Variants in GNG7 observed in about 807,000 individuals in gnomAD.
The protein encoded by GNG7 is guanine nucleotide-binding protein G(I)/G(S)/G(O) subunit gamma-7.
GNG7 carries 1 observed loss-of-function variant against 4.0 expected under a neutral mutation model. The ratio of observed to expected loss-of-function variants is 0.25; its 90% CI spans 0.09 to 1.18. The LOEUF is 1.18. GNG7 is among the 50% of genes most tolerant of loss of function. The probability of loss-of-function intolerance (pLI) is 0.50; values close to 1 mark genes in which losing one functional copy is unlikely to be tolerated. For synonymous variants in GNG7, 34 were observed against 36.9 expected (o/e 0.92, Z 0.29); for missense variants, 86 against 91.9 (o/e 0.94, Z 0.26).
chr19:2,568,787 CACATAT>C (rs1273167229), intron 2 of GNG7, among the ~76,000 whole-genome samples: 1 of 143,028 alleles, frequency 7.0e-6, no homozygotes, highest in African/African-American at 2.7e-5. Flanking sequence ...TACACATACA[CACATAT>C]ACACGCACAT....
At chr19:2,624,543 A>AAAG (rs1568266303) in intron 2 of GNG7, among the ~76,000 whole-genome samples, 2 of 151,472 alleles carry the variant, frequency 1.3e-5, no homozygotes, top group African/African-American at 4.9e-5. Context: ...AAAAAAAAAA[A>AAAG]AAAGAAAAAG....
intron 2 of GNG7, among the ~76,000 whole-genome samples, chr19:2,616,605 C>T (rs142643593): frequency 0.012 from 1,828 of 152,062 alleles, 37 homozygotes; most frequent in African/African-American, 0.039. Flanking sequence ...GGAGAAACCC[C>T]GTCTCTCCTA....
intron 2 of GNG7, among the ~76,000 whole-genome samples, chr19:2,563,252 A>G (rs1979802278): frequency 6.6e-6 from 1 of 151,324 alleles, no homozygotes; most frequent in South Asian, 2.1e-4. Flanking sequence ...CCGGCCCAGT[A>G]TTTTTCAAAT....
chr19:2,616,267 C>T (rs1425949708), intron 2 of GNG7, among the ~76,000 whole-genome samples: 3 of 151,872 alleles, frequency 2.0e-5, no homozygotes, highest in South Asian at 2.1e-4. Context: ...TATTTTGAGC[C>T]GGAGTCTCGC....
chr19:2,696,652 G>A (rs372783539), intron 1 of GNG7, among the ~76,000 whole-genome samples: 2 of 152,184 alleles, frequency 1.3e-5, no homozygotes, highest in African/African-American at 2.4e-5. Context: ...AGGCTCTGAC[G>A]CAGGCCACAG....
chr19:2,690,819 T>G (rs1215258270), intron 1 of GNG7, among the ~76,000 whole-genome samples: 1 of 152,084 alleles, frequency 6.6e-6, no homozygotes, highest in East Asian at 1.9e-4. Context: ...GTCTCGAACT[T>G]CTGACCTCAA....
chr19:2,527,579 G>A lies in GNG7; in HGVS notation c.-37-6854C>T, dbSNP rs148452202. 9.2e-3 allele frequency among the ~76,000 whole-genome samples: 1,400 copies of A among 152,274 alleles called. 5 individuals carry two copies. Among genetic ancestry groups the A allele is most frequent in the Non-Finnish European group, 0.015 (998 of 68,012 alleles). ...TGTCAGTAAAGAGAGACACAGCCTA[G>A]GGCCCCAGTCTGCAAAATGGGCTGA... is the stretch of plus-strand genomic sequence containing the variant. On this transcript the variant is annotated intron_variant, in intron 3 of 4. Coordinates refer to ENST00000382159, the MANE Select transcript of GNG7 (RefSeq NM_052847.3).
chr19:2,676,191 C>T (rs2144894012), intron 1 of GNG7, among the ~76,000 whole-genome samples: 1 of 152,356 alleles, frequency 6.6e-6, no homozygotes. Flanking sequence ...ACGGCCCTGC[C>T]CACACCTTCG....
At chr19:2,517,892 G>T (rs1978291300) in intron 4 of GNG7, among the ~76,000 whole-genome samples, 1 of 152,198 alleles carries the variant, frequency 6.6e-6, no homozygotes, top group African/African-American at 2.4e-5. Context: ...ACGGCCAGGA[G>T]CCTGTGGGAC....
At chr19:2,591,221 A>G (rs1980841998) in intron 2 of GNG7, among the ~76,000 whole-genome samples, 1 of 152,232 alleles carries the variant, frequency 6.6e-6, no homozygotes, top group Admixed American at 6.6e-5. Flanking sequence ...GGCTGTGTCA[A>G]CCGATGATGT....
At chr19:2,613,512 C>T (rs1431196080) in intron 2 of GNG7, among the ~76,000 whole-genome samples, 2 of 152,090 alleles carry the variant, frequency 1.3e-5, no homozygotes, top group Admixed American at 6.5e-5. Context: ...GGGACTCTTC[C>T]TCCTCTCTCC....
At chr19:2,585,613 T>C (rs565511946) in intron 2 of GNG7, among the ~76,000 whole-genome samples, 74 of 152,224 alleles carry the variant, frequency 4.9e-4, no homozygotes, top group Non-Finnish European at 9.4e-4. Context: ...CATCTCCAGA[T>C]TGGGATTACC....
chr19:2,576,080 GAC>G (rs1010933120), intron 2 of GNG7, among the ~76,000 whole-genome samples: 6 of 74,722 alleles, frequency 8.0e-5, no homozygotes, highest in African/African-American at 6.7e-4. Flanking sequence ...CAGACATGCA[GAC>G]ACACACACAG....
chr19:2,565,647 G>A (rs536663671), intron 2 of GNG7, among the ~76,000 whole-genome samples: 4 of 152,148 alleles, frequency 2.6e-5, no homozygotes, highest in Non-Finnish European at 5.9e-5. Context: ...CCTAAAACCT[G>A]CAATCACTGG....
chr19:2,521,191 G>A (rs985954509), intron 3 of GNG7, among the ~76,000 whole-genome samples: 3 of 151,994 alleles, frequency 2.0e-5, no homozygotes, highest in African/African-American at 2.4e-5. Flanking sequence ...ACGTGAACCC[G>A]GGAGGTGGAG....
intron 2 of GNG7, among the ~76,000 whole-genome samples, chr19:2,570,646 C>T (rs1178599034): frequency 6.6e-6 from 1 of 152,162 alleles, no homozygotes; most frequent in East Asian, 1.9e-4. Context: ...AGACAGACAG[C>T]CCAGGAGCCA....
intron 2 of GNG7, among the ~76,000 whole-genome samples, chr19:2,596,925 G>C (rs1599412667): frequency 6.6e-6 from 1 of 152,022 alleles, no homozygotes; most frequent in Middle Eastern, 3.4e-3. Context: ...CCAGAAAACA[G>C]AACATAAACA....
At chr19:2,539,541 G>A (rs898367116) in intron 3 of GNG7, among the ~76,000 whole-genome samples, 3 of 151,554 alleles carry the variant, frequency 2.0e-5, no homozygotes, top group African/African-American at 7.3e-5. Context: ...CTGAACTCAG[G>A]TGATCTGCCC....
chr19:2,568,341 A>C (rs1221700891), intron 2 of GNG7, among the ~76,000 whole-genome samples: 3 of 149,950 alleles, frequency 2.0e-5, no homozygotes, highest in Non-Finnish European at 4.4e-5. Flanking sequence ...ACACATATAG[A>C]CATACATACA....
Sources: allele counts gnomAD v4.1 joint callset (sites outside exome capture counted in the v4.1 genomes callset), GRCh38; gene constraint gnomAD v4.1.1; transcripts MANE v1.5; gene names NCBI Gene and HGNC (gene_info 2026-07-23, HGNC 2026-07-21).